ZBTB49: variants seen among roughly 807,000 people sequenced by gnomAD.
ZBTB49 encodes zinc finger and BTB domain containing 49, also known as zinc finger and BTB domain-containing protein 49.
A neutral mutation model predicts 57.5 loss-of-function variants in ZBTB49; 43 were observed. The observed-to-expected ratio is 0.75, with a 90% confidence interval of 0.59 to 0.97. The LOEUF (loss-of-function observed/expected upper bound fraction) is 0.97. Ranked by LOEUF, ZBTB49 falls within the 50% of genes least tolerant of loss-of-function variation. The pLI is 0.00. For synonymous variants in ZBTB49, 369 were observed against 362.1 expected, an observed-to-expected ratio of 1.02 and a Z score of -0.22; for missense variants, 938 against 947.7, an observed-to-expected ratio of 0.99 and a Z score of 0.13.
chr4:4,303,567 T>C (rs1028073831), intron 3 of ZBTB49, among the ~76,000 whole-genome samples: 1 of 152,198 alleles, frequency 6.6e-6, no homozygotes, highest in Non-Finnish European at 1.5e-5. Flanking sequence ...TTTTTAAAAT[T>C]CTAATTTGGG....
At chr4:4,293,860 T>C (rs1720058982) in intron 1 of ZBTB49, among the ~76,000 whole-genome samples, 1 of 152,162 alleles carries the variant, frequency 6.6e-6, no homozygotes, top group Non-Finnish European at 1.5e-5. Context: ...TGTTAGCTCT[T>C]TAAAGGCCTG....
intron 7 of ZBTB49, among the ~76,000 whole-genome samples, chr4:4,319,536 C>T (rs2108904190): frequency 6.6e-6 from 1 of 152,306 alleles, no homozygotes; most frequent in Non-Finnish European, 1.5e-5. Flanking sequence ...AAGCTGAATA[C>T]AGGGCCAGGC....
In ZBTB49 at chr4:4,303,019, TA is replaced by T. The variant is rs1560108850; in HGVS notation, c.1184del (p.Tyr395SerfsTer100). The T allele has an allele frequency of 6.2e-7, 1 of 1,614,018 alleles. No homozygotes were observed. The highest frequency in any genetic ancestry group is 8.5e-7 in the Non-Finnish European group (1 of 1,180,014). On this transcript the variant is annotated frameshift_variant, in exon 3 of 8. Transcript: ENST00000337872. LOFTEE classifies it high-confidence loss of function. ...QSQTLQSQRQ[Y>X]ACELCGKPFK... ...CCAGACACTTCAGTCCCAGAGACAATACGCGTGTGAATTATGCGGGAAACCT... is the reference window on the plus strand; with the variant it reads ...CCAGACACTTCAGTCCCAGAGACAATCGCGTGTGAATTATGCGGGAAACCT...
intron 1 of ZBTB49, among the ~76,000 whole-genome samples, chr4:4,293,102 CTG>C (rs553885773): frequency 1.1e-4 from 17 of 152,262 alleles, no homozygotes; most frequent in Admixed American, 6.5e-4. Flanking sequence ...AGATGAAAAA[CTG>C]AGGCCCAGAG....
intron 4 of ZBTB49, among the ~76,000 whole-genome samples, chr4:4,306,463 G>A (rs1044336409): frequency 1.3e-5 from 2 of 152,218 alleles, no homozygotes; most frequent in Non-Finnish European, 2.9e-5. Context: ...CATGAATGAA[G>A]TTCACAGTGA....
chr4:4,303,726 TTCTCTCTCTC>T (rs148456390), intron 3 of ZBTB49, among the ~76,000 whole-genome samples: 89 of 121,814 alleles, frequency 7.3e-4, no homozygotes, highest in East Asian at 3.1e-3. Flanking sequence ...TTTTAAGGTA[TTCTCTCTCTC>T]TCTCTCTCTC....
chr4:4,292,560 T>G (rs1719996937), intron 1 of ZBTB49, among the ~76,000 whole-genome samples: 2 of 152,184 alleles, frequency 1.3e-5, no homozygotes, highest in Non-Finnish European at 2.9e-5. Flanking sequence ...TTAACCCAAT[T>G]GGCCTTCCCA....
At position 4,320,814 on chromosome 4, in the gene ZBTB49, T is replaced by C; in HGVS notation, c.1796T>C (p.Leu599Pro). The C allele has an allele frequency of 1.9e-6, 3 of 1,614,128 alleles. No individual in the cohort carries two copies. Among genetic ancestry groups the C allele is most frequent in the Non-Finnish European group, 2.5e-6 (3 of 1,180,024 alleles). Residue 599 changes from leucine (L) to proline (P), a missense_variant, in exon 8 of 8, where the codon CTC becomes CCC. Leu to Pro is a moderately conservative substitution (Grantham distance 98). Around this residue, in one of 3 missense-constraint regions of ZBTB49, gnomAD observed 835 missense variants for 819.1 expected, o/e 1.02. Coordinates refer to ENST00000337872, the MANE Select transcript of ZBTB49 (RefSeq NM_145291.4). ...GDESPDVLEE[L>P]SQAIETSDLE... ...GAGAGCCCAGATGTGCTGGAGGAGC[T>C]CAGCCAAGCCATCGAGACCTCCGAC...
chr4:4,294,872 CGTGTGTGTGTGTGTGT>C (rs10626183), intron 1 of ZBTB49, among the ~76,000 whole-genome samples: 24 of 138,010 alleles, frequency 1.7e-4, no homozygotes, highest in Admixed American at 1.0e-3. Flanking sequence ...AGGAGGGTTT[CGTGTGTGTGTGTGTGT>C]GTGTGTGTGT....
chr4:4,310,430 T>C (rs866816677), intron 4 of ZBTB49, among the ~76,000 whole-genome samples: 5 of 152,178 alleles, frequency 3.3e-5, no homozygotes, highest in Middle Eastern at 3.2e-3. Flanking sequence ...CTAAGTTAAA[T>C]ACTCTTCGCA....
At position 4,320,778 on chromosome 4, in the gene ZBTB49, A is replaced by G. The variant is rs746612460; in HGVS notation, c.1760A>G (p.Lys587Arg). 57 of 1,614,078 alleles carry G rather than the reference A, an allele frequency of 3.5e-5. No homozygotes were observed. Among genetic ancestry groups the G allele is most frequent in the South Asian group, 2.4e-4 (22 of 91,084 alleles). The change falls in exon 8 of 8, where the codon AAA becomes AGA. Residue 587 changes from lysine to arginine, a missense_variant. Physicochemically the swap from Lys to Arg is conservative, Grantham distance 26. Around this residue, in one of 3 missense-constraint regions of ZBTB49, gnomAD observed 835 missense variants for 819.1 expected, o/e 1.02. Transcript: ENST00000337872. ...VLRRHKKMHC[K>R]AGDESPDVLE... The stretch of plus-strand genomic sequence containing the variant: ...CGGCGGCACAAGAAGATGCACTGCA[A>G]AGCTGGTGACGAGAGCCCAGATGTG...
rs1720539815 is a variant in ZBTB49 at position 4,302,604 on chromosome 4, T to C, written c.768T>C (p.Pro256=). 4.3e-6 allele frequency: 7 copies of C among 1,613,628 alleles called. No homozygotes were observed. The highest frequency in any genetic ancestry group is 1.1e-5 in the South Asian group (1 of 91,032). ...STDLTTVESQ[P]CAVSHSECIL... ...ACCTTACCACGGTAGAGAGCCAGCC[T>C]TGTGCCGTCAGTCATTCTGAATGCA... Residue 256 remains proline, a synonymous_variant, in exon 3 of 8, where the codon CCT becomes CCC. Coordinates refer to ENST00000337872, the MANE Select transcript of ZBTB49 (RefSeq NM_145291.4).
chr4:4,291,685 T>C (rs1241778873), intron 1 of ZBTB49, among the ~76,000 whole-genome samples: 1 of 152,252 alleles, frequency 6.6e-6, no homozygotes, highest in Admixed American at 6.5e-5. Context: ...TGTTGTTGTT[T>C]GTTTGTTTGT....
At chr4:4,296,617 C>G (rs1444390725) in intron 1 of ZBTB49, among the ~76,000 whole-genome samples, 1 of 152,140 alleles carries the variant, frequency 6.6e-6, no homozygotes, top group Non-Finnish European at 1.5e-5. Flanking sequence ...TGTAAATTGC[C>G]CAGTCTTGGG....
Position 4,302,601 on chromosome 4 carries a change from G to A in ZBTB49, c.765G>A (p.Gln255=). The change falls in exon 3 of 8, where the codon CAG becomes CAA. Residue 255 remains glutamine (Q), a synonymous_variant. Transcript: ENST00000337872. The part of the protein sequence containing the change: ...TSTDLTTVES[Q]PCAVSHSECI... ...CAGACCTTACCACGGTAGAGAGCCA[G>A]CCTTGTGCCGTCAGTCATTCTGAAT... The A allele has an allele frequency of 6.2e-7, 1 of 1,613,750 alleles. No homozygotes were observed. Among genetic ancestry groups the A allele is most frequent in the Non-Finnish European group, 8.5e-7 (1 of 1,179,838 alleles).
chr4:4,305,390 G>C (rs887535612), intron 3 of ZBTB49, among the ~76,000 whole-genome samples: 1 of 152,150 alleles, frequency 6.6e-6, no homozygotes, highest in Non-Finnish European at 1.5e-5. Flanking sequence ...GAGGTTCTTA[G>C]TGTTCAAAGT....
At chr4:4,317,609 C>T (rs917230965) in intron 7 of ZBTB49, among the ~76,000 whole-genome samples, 1 of 152,112 alleles carries the variant, frequency 6.6e-6, no homozygotes, top group Non-Finnish European at 1.5e-5. Context: ...ACTTCTTGCA[C>T]TAAGCAAATC....
intron 7 of ZBTB49, among the ~76,000 whole-genome samples, chr4:4,317,876 C>A (rs756451282): frequency 6.6e-6 from 1 of 152,208 alleles, no homozygotes; most frequent in African/African-American, 2.4e-5. Flanking sequence ...CATTTCCGTT[C>A]AGCTGGCGTC....
At chr4:4,313,260 C>A (rs1432433383) in intron 5 of ZBTB49, 146 bp downstream of exon 5, 2 of 730,790 alleles carry the variant, frequency 2.7e-6, no homozygotes, top group Non-Finnish European at 2.1e-6. Flanking sequence ...AAATTCAAAC[C>A]TTCTGGCTTT....
Sources: allele counts gnomAD v4.1 joint callset (sites outside exome capture counted in the v4.1 genomes callset), GRCh38; gene constraint gnomAD v4.1.1; regional missense constraint gnomAD v4.1.1; transcripts MANE v1.5; gene names NCBI Gene and HGNC (gene_info 2026-07-23, HGNC 2026-07-21).